RNF10: variants seen among roughly 807,000 people sequenced by gnomAD.
RNF10 encodes ring finger protein 10.
A neutral mutation model predicts 91.4 loss-of-function variants in RNF10; 38 were observed. The observed-to-expected ratio is 0.42, with a 90% CI of 0.32 to 0.54. The LOEUF (loss-of-function observed/expected upper bound fraction) is 0.54. Ranked by LOEUF, RNF10 falls within the 20% of genes least tolerant of loss-of-function variation. RNF10 has a pLI of 0.16. For missense variants in RNF10, 945 were observed against 1,012.0 expected, an observed-to-expected ratio of 0.93 and a Z score of 0.90; for synonymous variants, 364 against 366.3, an observed-to-expected ratio of 0.99 and a Z score of 0.07.
At chr12:120,540,036 G>A (rs1871330794) in intron 1 of RNF10, among the ~76,000 whole-genome samples, 1 of 150,572 alleles carries the variant, frequency 6.6e-6, no homozygotes, top group South Asian at 2.1e-4. Context: ...GTTTCGCCAT[G>A]TTGGCCAGGC....
chr12:120,539,961 G>A (rs1236944126), intron 1 of RNF10, among the ~76,000 whole-genome samples: 1 of 151,676 alleles, frequency 6.6e-6, no homozygotes, highest in African/African-American at 2.4e-5. Context: ...TCAGCCTCCT[G>A]AGTAGCTGGA....
chr12:120,554,534 G>C, intron 3 of RNF10, 184 bp from the exon 4 acceptor site: 1 of 564,540 alleles, frequency 1.8e-6, no homozygotes, highest in East Asian at 3.1e-5. Context: ...TCTGCCTGCT[G>C]AGTCTTTGGG....
At chr12:120,536,635 A>G (rs553134212) in intron 1 of RNF10, among the ~76,000 whole-genome samples, 2 of 152,362 alleles carry the variant, frequency 1.3e-5, no homozygotes, top group African/African-American at 4.8e-5. Flanking sequence ...TAGCTTTGCC[A>G]TAGATCCCTC....
intron 6 of RNF10, among the ~76,000 whole-genome samples, chr12:120,560,087 C>T (rs910500156): frequency 6.7e-6 from 1 of 149,918 alleles, no homozygotes; most frequent in African/African-American, 2.5e-5. Context: ...TCCACCATTT[C>T]TTTATTCTTT....
intron 14 of RNF10, among the ~76,000 whole-genome samples, chr12:120,572,164 T>G (rs942339940): frequency 6.6e-6 from 1 of 152,010 alleles, no homozygotes; most frequent in Non-Finnish European, 1.5e-5. Context: ...CCTCCCGGGT[T>G]CACGCCATTC....
rs1231675575 is a variant in RNF10 at position 120,563,329 on chromosome 12, T to TA, written c.1255-17dup. The TA allele has an allele frequency of 1.3e-5, 20 of 1,596,666 alleles. No homozygotes were observed. Among genetic ancestry groups the TA allele is most frequent in the Middle Eastern group, 3.3e-4 (2 of 6,012 alleles). On this transcript the variant is annotated splice_polypyrimidine_tract_variant and intron_variant, in intron 8 of 16. Coordinates refer to ENST00000325954, the MANE Select transcript of RNF10 (RefSeq NM_014868.5). ...GCAGGAGATATCCTTTCTGTTGACT[T>TA]AGAGTTTGCTGCAACAGGGTGTGCT...
chr12:120,566,433 A>C (rs17584461), intron 12 of RNF10, among the ~76,000 whole-genome samples: 6,910 of 152,236 alleles, frequency 0.045, 263 homozygotes, highest in South Asian at 0.1. Flanking sequence ...CTTTGGGGGT[A>C]CGCATGTGTG....
intron 13 of RNF10, among the ~76,000 whole-genome samples, chr12:120,568,090 C>T (rs192638432): frequency 8.1e-4 from 123 of 152,064 alleles, no homozygotes; most frequent in Admixed American, 2.2e-3. Context: ...ACAAAAAATA[C>T]GAAATTTAGC....
chr12:120,559,577 G>A (rs1221834766), intron 6 of RNF10, among the ~76,000 whole-genome samples: 2 of 152,042 alleles, frequency 1.3e-5, no homozygotes, highest in African/African-American at 4.8e-5. Flanking sequence ...TAGAGACGGG[G>A]TTTCACCATG....
At chr12:120,559,055 A>T (rs1389716364) in intron 6 of RNF10, among the ~76,000 whole-genome samples, 1 of 56,856 alleles carries the variant, frequency 1.8e-5, no homozygotes, top group Admixed American at 2.3e-4. Context: ...TTAACTTTTA[A>T]TTTTAAATTA....
chr12:120,569,350 A>G (rs891559407), intron 13 of RNF10, among the ~76,000 whole-genome samples: 14 of 151,804 alleles, frequency 9.2e-5, no homozygotes, highest in South Asian at 2.1e-4. Context: ...TGTGGTGACC[A>G]TTTTGTTCAT....
chr12:120,574,518 T>C (rs1593123481), intron 14 of RNF10: 1 of 456,094 alleles, frequency 2.2e-6, no homozygotes, highest in South Asian at 1.5e-5. Context: ...GAAGGAGCTA[T>C]TGGAAAAGCA....
chr12:120,548,431 A>T (rs558089921), intron 2 of RNF10, among the ~76,000 whole-genome samples: 6 of 152,170 alleles, frequency 3.9e-5, no homozygotes, highest in Non-Finnish European at 8.8e-5. Context: ...AATTGCTGAA[A>T]GGTGTTGCAG....
At chr12:120,574,693 A>G (rs2137275443) in intron 14 of RNF10, 1 of 358,366 alleles carries the variant, frequency 2.8e-6, no homozygotes, top group Admixed American at 3.6e-5. Context: ...TGGGAGGCCA[A>G]GGCGGGCAGA....
intron 16 of RNF10, among the ~76,000 whole-genome samples, 156 bp downstream of exon 16, chr12:120,576,106 T>C (rs577329493): frequency 6.6e-6 from 1 of 152,340 alleles, no homozygotes; most frequent in Admixed American, 6.5e-5. Context: ...CTCCATTTGG[T>C]ATGTCAGATA....
At position 120,546,394 on chromosome 12, in the gene RNF10, C is replaced by T. The variant is rs778387833; in HGVS notation, c.158-11C>T. ...CTTCTTAAGACGTTCTTTTGTGTTT[C>T]TTGCTTTCAGATGGAAAGAACTCCA... On this transcript the variant is annotated splice_polypyrimidine_tract_variant and intron_variant, in intron 1 of 16. Transcript: ENST00000325954. 2 of 1,601,396 alleles carry T rather than the reference C, an allele frequency of 1.2e-6. No homozygotes were observed. The highest frequency in any genetic ancestry group is 1.4e-5 in the African/African-American group (1 of 73,912).
chr12:120,551,467 T>C (rs1370046814), intron 2 of RNF10, among the ~76,000 whole-genome samples: 1 of 151,508 alleles, frequency 6.6e-6, no homozygotes, highest in Non-Finnish European at 1.5e-5. Flanking sequence ...GCTAGTTTTT[T>C]TTTTTATTTT....
At position 120,546,439 on chromosome 12, in the gene RNF10, T is replaced by C. The variant is rs769607794; in HGVS notation, c.192T>C (p.Asn64=). 1 of 1,613,776 alleles carries C rather than the reference T, an allele frequency of 6.2e-7. No individual in the cohort carries two copies. Among genetic ancestry groups the C allele is most frequent in the Non-Finnish European group, 8.5e-7 (1 of 1,179,972 alleles). The part of the protein sequence containing the change: ...GKNSSGSKRY[N]RKRELSYPKN... ...ACTCCAGTGGATCCAAGCGTTATAA[T>C]CGCAAACGTGAACTTTCCTACCCCA... Residue 64 remains asparagine, a synonymous_variant, in exon 2 of 17, where the codon AAT becomes AAC. Coordinates refer to ENST00000325954, the MANE Select transcript of RNF10 (RefSeq NM_014868.5).
At chr12:120,551,387 C>T (rs571452281) in intron 2 of RNF10, among the ~76,000 whole-genome samples, 10 of 145,304 alleles carry the variant, frequency 6.9e-5, no homozygotes, top group South Asian at 4.4e-4. Context: ...CTCTGCCTCT[C>T]GGGTTCAAGC....
Sources: gnomAD v4.1 joint callset for allele counts (sites outside exome capture counted in the v4.1 genomes callset) on GRCh38, gnomAD v4.1.1 for gene constraint, MANE v1.5 for transcripts, NCBI Gene and HGNC (gene_info 2026-07-23, HGNC 2026-07-21) for gene names.